LMF1: variants seen among roughly 807,000 people sequenced by gnomAD.
The protein encoded by LMF1 is transmembrane protein 112.
A neutral mutation model predicts 60.6 loss-of-function variants in LMF1; 68 were observed. The observed-to-expected ratio is 1.12, with a 90% CI of 0.92 to 1.37. The LOEUF (loss-of-function observed/expected upper bound fraction) is 1.37. LMF1 is among the 40% of genes most tolerant of loss of function. The probability of loss-of-function intolerance (pLI) is 0.00; values close to 1 mark genes in which losing one functional copy is unlikely to be tolerated. For missense variants in LMF1, 948 were observed against 767.2 expected (o/e 1.24, Z -2.78); for synonymous variants, 418 against 324.7 (o/e 1.29, Z -3.09).
chr16:860,035 T>A (rs1341218891), intron 10 of LMF1, among the ~76,000 whole-genome samples: 2 of 150,178 alleles, frequency 1.3e-5, no homozygotes, highest in African/African-American at 2.5e-5. Context: ...CCTGAGCTTA[T>A]CTGTCATCTG....
intron 6 of LMF1, among the ~76,000 whole-genome samples, chr16:876,514 C>A (rs1477490200): frequency 6.6e-6 from 1 of 152,044 alleles, no homozygotes; most frequent in Non-Finnish European, 1.5e-5. Flanking sequence ...AGGTCCTGGC[C>A]GATGCAAGAC....
intron 4 of LMF1, among the ~76,000 whole-genome samples, chr16:898,663 G>A (rs1044890202): frequency 1.3e-5 from 2 of 152,208 alleles, no homozygotes; most frequent in Non-Finnish European, 2.9e-5. Context: ...GTCGGGCGAG[G>A]GGAATTAAGA....
At chr16:971,908 G>C (rs1363426856), upstream of LMF1, among the ~76,000 whole-genome samples, 1 of 152,146 alleles carries the variant, frequency 6.6e-6, no homozygotes, top group Non-Finnish European at 1.5e-5. Context: ...CTGTTCTTTT[G>C]TGTATATTGG....
Position 870,809 on chromosome 16 carries a change from G to T in LMF1, c.1152C>A (p.Leu384=), listed in dbSNP as rs376532921. Residue 384 remains leucine, a synonymous_variant, in exon 8 of 11, where the codon CTC becomes CTA. Coordinates refer to ENST00000262301, the MANE Select transcript of LMF1 (RefSeq NM_022773.4). ...LLAWLSVPVV[L]NLLSSRQVMN... ...TGACCTGCCTGGAGCTCAGCAAGTT[G>T]AGGACCACGGGCACGCTGAGCCAGG... The T allele has an allele frequency of 2.2e-5, 36 of 1,612,778 alleles. No homozygotes were observed. The highest frequency in any genetic ancestry group is 3.1e-5 in the Non-Finnish European group (36 of 1,179,802).
chr16:855,667 A>G (rs1177606432), intron 10 of LMF1: 1 of 455,408 alleles, frequency 2.2e-6, no homozygotes, highest in Admixed American at 2.4e-5. Context: ...GCTGGGATCC[A>G]TGGCAGAGCT....
At chr16:948,027 G>GCCAACGACAGAGTCAGCCA (rs2072290235) in intron 2 of LMF1, among the ~76,000 whole-genome samples, 1 of 150,686 alleles carries the variant, frequency 6.6e-6, no homozygotes, top group Non-Finnish European at 1.5e-5. Context: ...CAGAGTCAGA[G>GCCAACGACAGAGTCAGCCA]ACAACGACAG....
At chr16:970,718 C>T in intron 1 of LMF1, 70 bp downstream of exon 1, 1 of 1,402,670 alleles carries the variant, frequency 7.1e-7, no homozygotes, top group Non-Finnish European at 9.7e-7. Flanking sequence ...GGAGGAGTCT[C>T]GAGGGAGGGC....
intron 1 of LMF1, among the ~76,000 whole-genome samples, chr16:977,258 C>T (rs1034375624): frequency 2.0e-5 from 3 of 152,218 alleles, no homozygotes; most frequent in Admixed American, 6.5e-5. Context: ...CTGCCAGCAC[C>T]CGAGACAGTG....
chr16:911,114 G>A, intron 3 of LMF1, 35 bp from the exon 4 acceptor site: 1 of 1,597,124 alleles, frequency 6.3e-7, no homozygotes, highest in African/African-American at 1.3e-5. Context: ...GTGAGTTAAT[G>A]GAAGCCACAC....
rs1296947185 is a variant in LMF1, at chr16:933,985, T to A, written c.514+259A>T. 3 of 1,460,738 alleles carry A rather than the reference T, an allele frequency of 2.1e-6. No individual in the cohort carries two copies. The Admixed American group carries it at 6.2e-5, about 30-fold the overall frequency. 90.5% of individuals were successfully genotyped at this position (1,460,738 alleles called of 1,614,324 possible). On this transcript the variant is annotated intron_variant, in intron 3 of 10. Transcript: ENST00000262301. Reference sequence around the variant, plus strand: ...CTCTGCCCCAGGGAAGCGGTGGTAATCACACCTGTGAGATGCCGACAATCA... The same window carrying A: ...CTCTGCCCCAGGGAAGCGGTGGTAAACACACCTGTGAGATGCCGACAATCA...
At chr16:863,240 GA>G (rs1365518920) in intron 10 of LMF1, among the ~76,000 whole-genome samples, 1 of 152,082 alleles carries the variant, frequency 6.6e-6, no homozygotes, top group East Asian at 1.9e-4. Flanking sequence ...GTCTCGGCTC[GA>G]GCAATTCTCG....
At chr16:926,311 A>C (rs1233905032) in intron 3 of LMF1, among the ~76,000 whole-genome samples, 1 of 151,900 alleles carries the variant, frequency 6.6e-6, no homozygotes, top group African/African-American at 2.4e-5. Flanking sequence ...GTGTGCATGT[A>C]TGTGCGTGTT....
intron 6 of LMF1, among the ~76,000 whole-genome samples, chr16:876,955 C>G (rs996130345): frequency 1.3e-5 from 2 of 152,308 alleles, no homozygotes; most frequent in Non-Finnish European, 2.9e-5. Context: ...TTGAGATATA[C>G]GGGCCTGTTA....
rs1473751666 is a variant in LMF1 at position 949,760 on chromosome 16, C to G, written c.503+4597G>C. ...AGAGTCAGAGACGACAGAGTCAGAG[C>G]CAATGACAGAGTCAGCCAATGACAG... On this transcript the variant is annotated intron_variant, in intron 2 of 10. Coordinates refer to ENST00000262301, the MANE Select transcript of LMF1 (RefSeq NM_022773.4). Among the ~76,000 whole-genome samples, 15 of 91,922 alleles carry G rather than the reference C, an allele frequency of 1.6e-4. 2 individuals carry two copies. The highest frequency in any genetic ancestry group is 9.6e-4 in the African/African-American group (15 of 15,604). 60.3% of individuals were successfully genotyped at this position (91,922 alleles called of 152,430 possible). A position where few individuals can be genotyped will look rare whatever the true frequency, so the allele number is the denominator to read the frequency against.
intron 10 of LMF1, among the ~76,000 whole-genome samples, chr16:866,187 A>AG (rs2069604711): frequency 6.6e-6 from 1 of 152,138 alleles, no homozygotes; most frequent in African/African-American, 2.4e-5. Context: ...AAAACTGAAC[A>AG]TTTTGTGTAT....
At chr16:964,093 A>G (rs1198818109) in intron 1 of LMF1, 1 of 456,050 alleles carries the variant, frequency 2.2e-6, no homozygotes, top group Non-Finnish European at 4.4e-6. Flanking sequence ...GTGTCGCCCG[A>G]GCAGCCAACA....
intron 3 of LMF1, among the ~76,000 whole-genome samples, chr16:932,471 G>A (rs1311438732): frequency 6.6e-6 from 1 of 152,234 alleles, no homozygotes; most frequent in Non-Finnish European, 1.5e-5. Flanking sequence ...ACTGCTCAGA[G>A]TCCACAACAT....
intron 3 of LMF1, among the ~76,000 whole-genome samples, chr16:919,751 G>A (rs547955749): frequency 2.0e-5 from 3 of 152,162 alleles, no homozygotes; most frequent in Admixed American, 1.3e-4. Context: ...AGAGAGGACT[G>A]GGTTTCAGCT....
In LMF1 at chr16:854,080, C is replaced by G. The variant is rs2069120784; in HGVS notation, c.*452G>C. On this transcript the variant is annotated 3_prime_UTR_variant, in exon 11 of 11. Coordinates refer to ENST00000262301, the MANE Select transcript of LMF1 (RefSeq NM_022773.4). Reference sequence around the variant, plus strand: ...CCCCAGACGTGACAGGGACTTGGCTCTGAGGGTCAGGACCTGGCTGGGAAC... The same window carrying G: ...CCCCAGACGTGACAGGGACTTGGCTGTGAGGGTCAGGACCTGGCTGGGAAC... The G allele has an allele frequency of 2.2e-6, 1 of 456,686 alleles. No homozygotes were observed. The highest frequency in any genetic ancestry group is 4.4e-6 in the Non-Finnish European group (1 of 228,660). The allele number at this position is 456,686 out of a possible 1,614,324, so 28.3% of individuals were successfully genotyped here.
Sources: gnomAD v4.1 joint callset for allele counts (sites outside exome capture counted in the v4.1 genomes callset) on GRCh38, gnomAD v4.1.1 for gene constraint, MANE v1.5 for transcripts, NCBI Gene and HGNC (gene_info 2026-07-23, HGNC 2026-07-21) for gene names.